Variants in KCNAB1 observed in about 807,000 individuals in gnomAD.
KCNAB1 encodes potassium voltage-gated channel subfamily A regulatory beta subunit 1.
A neutral mutation model predicts 64.6 loss-of-function variants in KCNAB1; 35 were observed. That is an observed-to-expected ratio of 0.54 (90% CI 0.41 to 0.72). The LOEUF (loss-of-function observed/expected upper bound fraction) is 0.72, where lower values mean the gene tolerates loss of function less well. KCNAB1 is among the 30% of genes least tolerant of loss of function. The pLI is 0.00. For missense variants in KCNAB1, 401 were observed against 512.9 expected, an observed-to-expected ratio of 0.78 and a Z score of 2.11; for synonymous variants, 177 against 183.8, an observed-to-expected ratio of 0.96 and a Z score of 0.30.
intron 8 of KCNAB1, among the ~76,000 whole-genome samples, chr3:156,511,793 T>A (rs1165833363): frequency 6.6e-6 from 1 of 152,184 alleles, no homozygotes; most frequent in Non-Finnish European, 1.5e-5. Context: ...TATTCTACCA[T>A]CCCCTTACCT....
chr3:156,201,046 G>A (rs550493933), intron 1 of KCNAB1, among the ~76,000 whole-genome samples: 24 of 152,212 alleles, frequency 1.6e-4, no homozygotes, highest in African/African-American at 5.1e-4. Context: ...AGTCTCTCAC[G>A]GCATCCCTTG....
At chr3:156,221,764 G>A (rs1314289045) in intron 1 of KCNAB1, among the ~76,000 whole-genome samples, 1 of 149,486 alleles carries the variant, frequency 6.7e-6, no homozygotes, top group Non-Finnish European at 1.5e-5. Flanking sequence ...GGCGAAAAGA[G>A]CAAAACTCCA....
chr3:156,513,218 A>G (rs1234375459), intron 8 of KCNAB1, among the ~76,000 whole-genome samples: 1 of 152,304 alleles, frequency 6.6e-6, no homozygotes, highest in East Asian at 1.9e-4. Flanking sequence ...TCTCAAAAAA[A>G]AAACAACAAC....
At position 156,123,977 on chromosome 3, in the gene KCNAB1, A is replaced by G. The variant is rs146501071; in HGVS notation, c.275+3091A>G. Among the ~76,000 whole-genome samples the G allele has an allele frequency of 5.7e-4, 87 of 152,266 alleles. No homozygotes were observed. The East Asian group carries it at 6.0e-3, about 10-fold the overall frequency. The stretch of plus-strand genomic sequence containing the variant: ...GCATTTTGAATTTGGGTCATGGGTA[A>G]AAGTCAGAATATGATCATATCATTC... On this transcript the variant is annotated intron_variant, in intron 1 of 13. Coordinates refer to ENST00000490337, the MANE Select transcript of KCNAB1 (RefSeq NM_172160.3).
chr3:156,310,007 G>A (rs1015163445), intron 1 of KCNAB1, among the ~76,000 whole-genome samples: 1 of 152,196 alleles, frequency 6.6e-6, no homozygotes, highest in South Asian at 2.1e-4. Flanking sequence ...AACAGGGCTT[G>A]TTGAGTGATG....
At chr3:156,306,102 G>T (rs1721473924) in intron 1 of KCNAB1, among the ~76,000 whole-genome samples, 1 of 152,150 alleles carries the variant, frequency 6.6e-6, no homozygotes, top group Non-Finnish European at 1.5e-5. Flanking sequence ...TACAGTGGGG[G>T]CAAGTTATTG....
intron 1 of KCNAB1, among the ~76,000 whole-genome samples, chr3:156,374,375 T>A (rs4989481): frequency 0.013 from 1,177 of 87,484 alleles, 45 homozygotes; most frequent in African/African-American, 0.041. Context: ...TCCTCACTAA[T>A]TTTGGCCATG....
At chr3:156,175,258 A>G (rs573895283) in intron 1 of KCNAB1, among the ~76,000 whole-genome samples, 1 of 152,316 alleles carries the variant, frequency 6.6e-6, no homozygotes, top group East Asian at 1.9e-4. Context: ...AAAAAATCCC[A>G]ACCAGCAAAT....
At chr3:156,201,547 C>G (rs1176196538) in intron 1 of KCNAB1, among the ~76,000 whole-genome samples, 4 of 152,212 alleles carry the variant, frequency 2.6e-5, no homozygotes, top group Non-Finnish European at 2.9e-5. Flanking sequence ...TTTTCCTTGC[C>G]TAGTTCTGCT....
At chr3:156,165,747 C>T (rs185861593) in intron 1 of KCNAB1, among the ~76,000 whole-genome samples, 9 of 152,208 alleles carry the variant, frequency 5.9e-5, no homozygotes, top group African/African-American at 1.2e-4. Flanking sequence ...ATCTGTATTG[C>T]GGCTTTATTC....
At chr3:156,273,639 C>G in intron 1 of KCNAB1, 1 of 456,180 alleles carries the variant, frequency 2.2e-6, no homozygotes, top group Non-Finnish European at 4.4e-6. Context: ...TTCCTACTCT[C>G]TTCACTGCCT....
At chr3:156,261,084 A>G (rs1047797957) in intron 1 of KCNAB1, among the ~76,000 whole-genome samples, 1 of 151,974 alleles carries the variant, frequency 6.6e-6, no homozygotes, top group Admixed American at 6.6e-5. Context: ...CAGTTTTTTT[A>G]GTTGGGTTAC....
chr3:156,308,770 G>A (rs1419557218), intron 1 of KCNAB1, among the ~76,000 whole-genome samples: 1 of 152,172 alleles, frequency 6.6e-6, no homozygotes, highest in Admixed American at 6.5e-5. Context: ...TAGCATTCTG[G>A]CACTTTAGTT....
chr3:156,120,186 C>G (rs562770872), upstream of KCNAB1, among the ~76,000 whole-genome samples: 4 of 152,302 alleles, frequency 2.6e-5, no homozygotes, highest in East Asian at 7.7e-4. Context: ...CAAAGGGACT[C>G]TAATCAGGAA....
intron 2 of KCNAB1, among the ~76,000 whole-genome samples, chr3:156,432,622 G>A (rs1034968720): frequency 6.6e-6 from 1 of 152,218 alleles, no homozygotes; most frequent in Non-Finnish European, 1.5e-5. Flanking sequence ...GATTTCTTTA[G>A]CTGAAAAGAA....
intron 1 of KCNAB1, among the ~76,000 whole-genome samples, chr3:156,162,308 T>C (rs1272813230): frequency 6.6e-6 from 1 of 152,174 alleles, no homozygotes; most frequent in East Asian, 1.9e-4. Context: ...AATATCACTA[T>C]ACCTGTTTAT....
intron 1 of KCNAB1, among the ~76,000 whole-genome samples, chr3:156,364,019 C>T (rs1027731086): frequency 4.6e-5 from 7 of 152,314 alleles, no homozygotes; most frequent in African/African-American, 1.4e-4. Flanking sequence ...ACCTTTATTT[C>T]CTCTATTCCA....
chr3:156,530,800 TC>T (rs1718651573), intron 12 of KCNAB1, among the ~76,000 whole-genome samples: 4 of 151,534 alleles, frequency 2.6e-5, no homozygotes, highest in Non-Finnish European at 5.9e-5. Context: ...AAACCTAGAG[TC>T]TACAAGAGTT....
chr3:156,160,077 T>C (rs1715985556), intron 1 of KCNAB1, among the ~76,000 whole-genome samples: 1 of 152,210 alleles, frequency 6.6e-6, no homozygotes, highest in African/African-American at 2.4e-5. Flanking sequence ...GATGACTTCT[T>C]AGAGGCAGAA....
Sources: gnomAD v4.1 joint callset for allele counts (sites outside exome capture counted in the v4.1 genomes callset) on GRCh38, gnomAD v4.1.1 for gene constraint, MANE v1.5 for transcripts, NCBI Gene and HGNC (gene_info 2026-07-23, HGNC 2026-07-21) for gene names.